The following PTK2B variants were observed in gnomAD, a reference collection of about 807,000 sequenced individuals.
PTK2B encodes the protein protein-tyrosine kinase 2-beta.
In PTK2B, 71 loss-of-function variants were observed where a neutral mutation model predicts 142.9. That is an observed-to-expected ratio of 0.50 (90% CI 0.41 to 0.61). The LOEUF is 0.61. Ranked by LOEUF, PTK2B falls within the 20% of genes least tolerant of loss-of-function variation. The pLI is 0.00. For synonymous variants in PTK2B, 519 were observed against 503.4 expected (o/e 1.03, Z -0.42); for missense variants, 1,105 against 1,320.4 (o/e 0.84, Z 2.53).
intron 1 of PTK2B, among the ~76,000 whole-genome samples, chr8:27,362,714 C>T (rs944810172): frequency 1.3e-5 from 2 of 152,138 alleles, no homozygotes; most frequent in Middle Eastern, 3.4e-3. Flanking sequence ...ACAGGAGGGA[C>T]CCAGCCTCGG....
In PTK2B at chr8:27,320,464, A is replaced by G. The variant is rs542256313; in HGVS notation, c.-413-1938A>G. ...CGCTCCAGCTTCAGATGCCAGTAGC[A>G]AGTCCCGGGTTGTGGCCTGTGCTTC... On this transcript the variant is annotated intron_variant, in intron 3 of 35. Coordinates refer to the PTK2B transcript ENST00000397501. 2.6e-5 allele frequency among the ~76,000 whole-genome samples: 4 copies of G among 152,272 alleles called. No individual in the cohort carries two copies. The South Asian group carries it at 8.3e-4, about 32-fold the overall frequency.
At position 27,446,564 on chromosome 8, in the gene PTK2B, T is replaced by C. The variant is rs77745261; in HGVS notation, c.2340+645T>C. 9.1e-3 allele frequency among the ~76,000 whole-genome samples: 1,379 copies of C among 152,240 alleles called. 49 individuals are homozygous for C. The East Asian group carries it at 0.11, about 12-fold the overall frequency. On this transcript the variant is annotated intron_variant, in intron 24 of 30. Coordinates refer to ENST00000346049, the MANE Select transcript of PTK2B (RefSeq NM_173176.3). ...TCTTGTGTGAAAAAGACACTTTTGC[T>C]TATAACCAGATGCCCACTGGTCACC...
At chr8:27,423,032 G>C (rs762332683) in intron 5 of PTK2B, among the ~76,000 whole-genome samples, 11 of 152,210 alleles carry the variant, frequency 7.2e-5, no homozygotes, top group Non-Finnish European at 1.6e-4. Flanking sequence ...ATACACTCCA[G>C]GCTCAGGGAT....
intron 1 of PTK2B, among the ~76,000 whole-genome samples, chr8:27,387,006 C>T (rs1807405868): frequency 6.6e-6 from 1 of 151,968 alleles, no homozygotes; most frequent in African/African-American, 2.4e-5. Context: ...CATTCCTTTC[C>T]ATACATGTAT....
chr8:27,442,627 C>T (rs1811221368), intron 21 of PTK2B, among the ~76,000 whole-genome samples: 1 of 152,192 alleles, frequency 6.6e-6, no homozygotes, highest in African/African-American at 2.4e-5. Context: ...GACTGGCTCA[C>T]CAAGGACGCT....
chr8:27,406,275 T>C (rs573717605), intron 2 of PTK2B, among the ~76,000 whole-genome samples: 2 of 152,182 alleles, frequency 1.3e-5, no homozygotes, highest in East Asian at 3.9e-4. Flanking sequence ...TTAACTTAAT[T>C]ACATTTGCAA....
chr8:27,415,562 C>G (rs1809350370), intron 2 of PTK2B, among the ~76,000 whole-genome samples: 1 of 152,198 alleles, frequency 6.6e-6, no homozygotes, highest in South Asian at 2.1e-4. Context: ...GAAACCTGCT[C>G]TTGAGAGCTA....
chr8:27,349,270 T>G (rs1804900440), intron 1 of PTK2B, among the ~76,000 whole-genome samples: 4 of 152,262 alleles, frequency 2.6e-5, no homozygotes, highest in Admixed American at 2.6e-4. Flanking sequence ...CTTAACTGTA[T>G]GACTTAGGTC....
intron 25 of PTK2B, 50 bp from the exon 26 acceptor site, chr8:27,450,993 C>T: frequency 6.2e-7 from 1 of 1,609,726 alleles, no homozygotes. Flanking sequence ...ATTCTTGGTG[C>T]TTTCAGCTCC....
chr8:27,416,750 C>G (rs1414417748), intron 2 of PTK2B, among the ~76,000 whole-genome samples: 2 of 152,102 alleles, frequency 1.3e-5, no homozygotes, highest in Admixed American at 1.3e-4. Flanking sequence ...TAAAAGCCTC[C>G]TACAACTCTC....
At chr8:27,437,955 A>T (rs1037051502) in intron 18 of PTK2B, 75 bp downstream of exon 18, 36 of 1,313,758 alleles carry the variant, frequency 2.7e-5, no homozygotes, top group Non-Finnish European at 3.8e-5. Flanking sequence ...GGGTAGAAGC[A>T]GGGCTTGTGG....
At position 27,444,236 on chromosome 8, in the gene PTK2B, C is replaced by G. The variant is rs1811331892; in HGVS notation, c.2179C>G (p.Gln727Glu). 1.2e-6 allele frequency: 2 copies of G among 1,614,004 alleles called. No homozygotes were observed. Among genetic ancestry groups the G allele is most frequent in the Non-Finnish European group, 1.7e-6 (2 of 1,179,900 alleles). ...PSRPKYRPPP[Q>E]TNLLAPKLQF... Reference sequence around the variant, plus strand: ...CCGACCTAAGTACAGACCCCCTCCGCAAACCAACCTCCTGGCTCCAAAGCT... The same window carrying G: ...CCGACCTAAGTACAGACCCCCTCCGGAAACCAACCTCCTGGCTCCAAAGCT... The change falls in exon 23 of 31, where the codon CAA becomes GAA. Residue 727 changes from glutamine (Q) to glutamate (E), a missense_variant. Gln to Glu is a conservative substitution (Grantham distance 29). Transcript: ENST00000346049.
intron 1 of PTK2B, among the ~76,000 whole-genome samples, chr8:27,376,681 A>G (rs1806690076): frequency 6.6e-6 from 1 of 152,202 alleles, no homozygotes; most frequent in African/African-American, 2.4e-5. Flanking sequence ...TCCTCTGGTC[A>G]TCCTCACTGC....
chr8:27,341,352 C>G (rs1394922553), intron 1 of PTK2B, among the ~76,000 whole-genome samples: 1 of 152,210 alleles, frequency 6.6e-6, no homozygotes, highest in Non-Finnish European at 1.5e-5. Flanking sequence ...ACTCCGGAAA[C>G]ATTTGTTCAG....
chr8:27,359,313 A>G (rs1805562456), intron 1 of PTK2B, among the ~76,000 whole-genome samples: 2 of 152,090 alleles, frequency 1.3e-5, no homozygotes, highest in African/African-American at 4.8e-5. Flanking sequence ...AAGGGGTTTC[A>G]CCATATTGGC....
intron 22 of PTK2B, among the ~76,000 whole-genome samples, chr8:27,443,643 A>G (rs10113756): frequency 0.48 from 73,365 of 151,950 alleles, 18,290 homozygotes; most frequent in African/African-American, 0.6. Flanking sequence ...AACCTCATCT[A>G]ACCCTAATTA....
intron 1 of PTK2B, among the ~76,000 whole-genome samples, chr8:27,381,033 GA>G (rs763203729): frequency 5.5e-4 from 83 of 152,138 alleles, no homozygotes; most frequent in Non-Finnish European, 8.5e-4. Context: ...TAAGAGAGTT[GA>G]TTTTTTTAAT....
upstream of PTK2B, among the ~76,000 whole-genome samples, chr8:27,324,241 C>T (rs1238547398): frequency 2.6e-5 from 4 of 152,236 alleles, no homozygotes; most frequent in African/African-American, 7.2e-5. Context: ...ACCTTCTGAC[C>T]TGCTGACCGC....
rs192198341 is a variant in PTK2B, at chr8:27,375,947, A to G, written c.-37-21601A>G. On this transcript the variant is annotated intron_variant, in intron 1 of 30. Transcript: ENST00000346049. Reference sequence around the variant, plus strand: ...CTTGACACATGATGCCAATGTTGACAGCCGAGAATAGAACCCAAGAGTGGG... The same window carrying G: ...CTTGACACATGATGCCAATGTTGACGGCCGAGAATAGAACCCAAGAGTGGG... 1.7e-4 allele frequency among the ~76,000 whole-genome samples: 26 copies of G among 152,348 alleles called. 2 individuals are homozygous for G. Among genetic ancestry groups the G allele is most frequent in the Admixed American group, 1.4e-3 (22 of 15,310 alleles).
Sources: gnomAD v4.1 joint callset for allele counts (sites outside exome capture counted in the v4.1 genomes callset) on GRCh38, gnomAD v4.1.1 for gene constraint, MANE v1.5 for transcripts, NCBI Gene and HGNC (gene_info 2026-07-23, HGNC 2026-07-21) for gene names.